TRIM5: variants seen among roughly 807,000 people sequenced by gnomAD.
TRIM5 encodes tripartite motif containing 5.
TRIM5 carries 31 observed loss-of-function variants against 35.6 expected under a neutral mutation model. The observed-to-expected ratio is 0.87, with a 90% CI of 0.65 to 1.18. TRIM5 has a LOEUF of 1.18. Among genes scored for constraint, TRIM5 ranks in the 50% most tolerant of loss-of-function variants. TRIM5 has a pLI of 0.00. For missense variants in TRIM5, 609 were observed against 591.6 expected (o/e 1.03, Z -0.31); for synonymous variants, 243 against 215.6 (o/e 1.13, Z -1.11).
At chr11:5,610,051 G>A in the TRIM5 span, 1 of 1,304,472 alleles carries the variant, frequency 7.7e-7, no homozygotes, top group East Asian at 2.3e-5. Flanking sequence ...AAGGAGGATT[G>A]GAATTCATCA....
At chr11:5,654,288 T>G in the TRIM5 span, among the ~76,000 whole-genome samples, 1 of 152,164 alleles carries the variant, frequency 6.6e-6, no homozygotes, top group Non-Finnish European at 1.5e-5. Context: ...TTTCTTCCAG[T>G]TTTACAGATT....
At chr11:5,650,504 TTTC>T in the TRIM5 span, among the ~76,000 whole-genome samples, 2 of 152,340 alleles carry the variant, frequency 1.3e-5, no homozygotes, top group South Asian at 4.1e-4. Context: ...GAGTTTTTTC[TTTC>T]TTCATCAACT....
the TRIM5 span, chr11:5,603,145 C>T: frequency 6.6e-7 from 1 of 1,510,760 alleles, no homozygotes; most frequent in Non-Finnish European, 8.8e-7. Context: ...CCCTTGTTAC[C>T]CCAGGTGTCT....
intron 4 of TRIM5, among the ~76,000 whole-genome samples, chr11:5,670,277 A>T (rs1049459805): frequency 1.4e-5 from 2 of 138,308 alleles, no homozygotes; most frequent in Admixed American, 8.3e-5. Flanking sequence ...TCCTGGGTTC[A>T]TGCCATTCTC....
rs1851251425 is a variant in TRIM5, at chr11:5,667,711, C to A, written c.745G>T (p.Gly249Cys). ...LQGSVMELLQ[G>C]VDGVIKRTEN... ...TACCTTTTTATGACGCCATCCACACCCTAGGAAGAAGAGAGAAAACATCAA... is the reference window on the plus strand; with the variant it reads ...TACCTTTTTATGACGCCATCCACACACTAGGAAGAAGAGAGAAAACATCAA... The change falls in exon 5 of 8, where the codon GGT becomes TGT. Residue 249 changes from glycine to cysteine, a missense_variant and splice_region_variant. Transcript: ENST00000380034. 1.9e-6 allele frequency: 3 copies of A among 1,613,292 alleles called. No individual in the cohort carries two copies. Among genetic ancestry groups the A allele is most frequent in the Admixed American group, 1.7e-5 (1 of 59,826 alleles).
At position 5,679,871 on chromosome 11, in the gene TRIM5, GA is replaced by G; in HGVS notation, c.306del (p.Leu103TyrfsTer38). ...VDHCARHGEK[L>X]LLFCQEDGKV... ...TTCCCGTCCTCCTGACAGAAGAGTA[GA>G]AGTTTCTCTCCATGGCGTGCACAAT... On this transcript the variant is annotated frameshift_variant, in exon 2 of 8. Transcript: ENST00000380034. LOFTEE classifies it high-confidence loss of function. 6.2e-7 allele frequency: 1 copy of G among 1,613,852 alleles called. No homozygotes were observed. The highest frequency in any genetic ancestry group is 8.5e-7 in the Non-Finnish European group (1 of 1,179,994).
At chr11:5,590,219 C>T in the TRIM5 span, 428 of 167,008 alleles carry the variant, frequency 2.6e-3, 1 homozygote, top group Non-Finnish European at 3.8e-3. Flanking sequence ...CCCCCTGCTC[C>T]AGGGCGCCCA....
chr11:5,683,369 C>T (rs1384255804), intron 1 of TRIM5, among the ~76,000 whole-genome samples: 2 of 152,210 alleles, frequency 1.3e-5, no homozygotes, highest in African/African-American at 4.8e-5. Flanking sequence ...AGTGGGGTTC[C>T]TGAGTCTGGT....
the TRIM5 span, among the ~76,000 whole-genome samples, chr11:5,656,308 GA>G: frequency 6.9e-6 from 1 of 145,728 alleles, no homozygotes; most frequent in South Asian, 2.2e-4. Flanking sequence ...AAATTTACAA[GA>G]AAAAAACAAC....
the TRIM5 span, among the ~76,000 whole-genome samples, chr11:5,646,532 T>G: frequency 6.6e-6 from 1 of 152,230 alleles, no homozygotes; most frequent in East Asian, 1.9e-4. Flanking sequence ...GTTCTAGCTC[T>G]TCTCATCTTT....
the TRIM5 span, among the ~76,000 whole-genome samples, chr11:5,624,450 T>A: frequency 4.6e-5 from 7 of 152,254 alleles, no homozygotes; most frequent in South Asian, 1.5e-3. Context: ...CATGGTACTT[T>A]GGTAGGTAGC....
chr11:5,591,589 A>G, the TRIM5 span, among the ~76,000 whole-genome samples: 151,971 of 152,138 alleles, frequency 1, 75,902 homozygotes, highest in Middle Eastern at 1. Flanking sequence ...CGGAGGTTGC[A>G]CTGAGCCATG....
At chr11:5,645,212 C>A in the TRIM5 span, among the ~76,000 whole-genome samples, 1 of 151,810 alleles carries the variant, frequency 6.6e-6, no homozygotes, top group Middle Eastern at 3.2e-3. Context: ...GCCAAAATTG[C>A]AAAACCCTGT....
At chr11:5,683,508 G>A (rs1014207728) in intron 1 of TRIM5, among the ~76,000 whole-genome samples, 11 of 151,860 alleles carry the variant, frequency 7.2e-5, no homozygotes, top group African/African-American at 4.8e-5. Flanking sequence ...TGGGGACTTG[G>A]AGAAACTTTA....
chr11:5,681,101 AGG>A (rs1852405603), intron 1 of TRIM5, among the ~76,000 whole-genome samples: 1 of 152,100 alleles, frequency 6.6e-6, no homozygotes, highest in Non-Finnish European at 1.5e-5. Context: ...CATGGTGTAG[AGG>A]GTGATGATAG....
chr11:5,676,268 C>CA (rs1851970990), intron 4 of TRIM5, among the ~76,000 whole-genome samples: 2 of 152,054 alleles, frequency 1.3e-5, no homozygotes, highest in Non-Finnish European at 2.9e-5. Context: ...TCTCAGGATA[C>CA]AAAATCAATG....
At chr11:5,680,722 C>T (rs1852371551) in intron 1 of TRIM5, among the ~76,000 whole-genome samples, 1 of 152,238 alleles carries the variant, frequency 6.6e-6, no homozygotes, top group African/African-American at 2.4e-5. Flanking sequence ...AAAATACCTG[C>T]TCTGACTACC....
chr11:5,669,080 C>CTTTTTTT (rs34310528), intron 4 of TRIM5, among the ~76,000 whole-genome samples: 9 of 133,152 alleles, frequency 6.8e-5, no homozygotes, highest in African/African-American at 1.7e-4. Context: ...GGTCTACATT[C>CTTTTTTT]TTTTTTTTTT....
chr11:5,604,451 A>C, the TRIM5 span: 3 of 1,436,324 alleles, frequency 2.1e-6, no homozygotes, highest in Non-Finnish European at 2.8e-6. Context: ...AGGTTAGCAG[A>C]ATCTCTGTCC....
Sources: gnomAD v4.1 joint callset for allele counts (sites outside exome capture counted in the v4.1 genomes callset) on GRCh38, gnomAD v4.1.1 for gene constraint, MANE v1.5 for transcripts, NCBI Gene and HGNC (gene_info 2026-07-23, HGNC 2026-07-21) for gene names.